The following SLC35D1 variants were observed in gnomAD, a reference collection of about 807,000 sequenced individuals.
The protein encoded by SLC35D1 is solute carrier family 35 member D1, also known as nucleotide sugar transporter SLC35D1.
Under a neutral mutation model 46.7 loss-of-function variants are expected in SLC35D1, and 31 were observed. The ratio of observed to expected loss-of-function variants is 0.66; its 90% confidence interval spans 0.50 to 0.90. The LOEUF (loss-of-function observed/expected upper bound fraction) is 0.90, where lower values mean the gene tolerates loss of function less well. Ranked by LOEUF, SLC35D1 falls within the 40% of genes least tolerant of loss-of-function variation. SLC35D1 has a pLI of 0.00. For synonymous variants in SLC35D1, 195 were observed against 164.6 expected, an observed-to-expected ratio of 1.18 and a Z score of -1.41; for missense variants, 397 against 426.2, an observed-to-expected ratio of 0.93 and a Z score of 0.60.
chr1:66,992,476 TCA>T, the SLC35D1 span, among the ~76,000 whole-genome samples: 2 of 152,186 alleles, frequency 1.3e-5, no homozygotes, highest in African/African-American at 2.4e-5. Flanking sequence ...CTGGAATCTC[TCA>T]CTCAATCCTC....
rs913877978 is a variant in SLC35D1 at position 67,000,973 on chromosome 1, A to C, written c.*3367T>G. On this transcript the variant is annotated 3_prime_UTR_variant, in exon 12 of 12. Transcript: ENST00000235345. ...CATGCAGGCAGCTCTTGGTTACAAA[A>C]TCACGGACTCCTTTCATCTGTCTCC... 1 of 152,382 alleles carries C rather than the reference A, an allele frequency of 6.6e-6. No homozygotes were observed. The highest frequency in any genetic ancestry group is 1.5e-5 in the Non-Finnish European group (1 of 68,068). The allele number at this position is 152,382 out of a possible 1,614,324, so 9.4% of individuals were successfully genotyped here.
chr1:66,987,935 CT>C, the SLC35D1 span: 1 of 152,186 alleles, frequency 6.6e-6, no homozygotes, highest in Non-Finnish European at 1.5e-5. Flanking sequence ...TTCTCTTCTG[CT>C]GGATTATATA....
chr1:67,032,456 G>A (rs543250289), intron 8 of SLC35D1, among the ~76,000 whole-genome samples: 5 of 151,968 alleles, frequency 3.3e-5, no homozygotes, highest in South Asian at 4.2e-4. Context: ...CGAAGTAGGC[G>A]GATCACCTAA....
At chr1:67,032,518 G>A (rs1570629683) in intron 8 of SLC35D1, among the ~76,000 whole-genome samples, 1 of 151,640 alleles carries the variant, frequency 6.6e-6, no homozygotes, top group Non-Finnish European at 1.5e-5. Flanking sequence ...CTATCTCTAC[G>A]AAAAATACAA....
chr1:67,010,497 C>G (rs148019664), intron 10 of SLC35D1, among the ~76,000 whole-genome samples: 37 of 152,254 alleles, frequency 2.4e-4, no homozygotes, highest in African/African-American at 7.5e-4. Flanking sequence ...CTCCCAGGTG[C>G]AAACATCTTC....
chr1:67,047,432 T>G lies in SLC35D1; in HGVS notation c.534-65A>C. The stretch of plus-strand genomic sequence containing the variant: ...ACATGCATTTAATTTTAAATAGATA[T>G]AAGCTAAAATATTTACAAGAACATA... On this transcript the variant is annotated intron_variant, in intron 6 of 11. Transcript: ENST00000235345. The G allele has an allele frequency of 2.4e-6, 3 of 1,275,856 alleles. No homozygotes were observed. The South Asian group carries it at 3.6e-5, about 16-fold the overall frequency. The allele number at this position is 1,275,856 out of a possible 1,614,324, so 79.0% of individuals were successfully genotyped here.
At chr1:67,016,282 G>C (rs1667683930) in intron 10 of SLC35D1, among the ~76,000 whole-genome samples, 1 of 151,900 alleles carries the variant, frequency 6.6e-6, no homozygotes. Flanking sequence ...TAAGACTTTT[G>C]TTTTCCATTG....
rs943817779 is a variant in SLC35D1 at position 67,000,064 on chromosome 1, G to C, written c.*4276C>G. ...ACAGAAGGGTTACTTGAGGCCAGGA[G>C]TTTGAGACCAGTCTGGCAACAGAGT... On this transcript the variant is annotated 3_prime_UTR_variant, in exon 12 of 12. Transcript: ENST00000235345. 6.6e-6 allele frequency: 1 copy of C among 150,982 alleles called. No individual in the cohort carries two copies. The highest frequency in any genetic ancestry group is 2.1e-4 in the South Asian group (1 of 4,796). The allele number at this position is 150,982 out of a possible 1,614,324, so 9.4% of individuals were successfully genotyped here.
downstream of SLC35D1, among the ~76,000 whole-genome samples, chr1:66,998,249 G>A (rs1024052161): frequency 3.3e-5 from 5 of 152,132 alleles, no homozygotes; most frequent in African/African-American, 1.2e-4. Flanking sequence ...AACACTTTGG[G>A]AGTCGGAGGC....
At chr1:67,036,045 T>C (rs1668117208) in intron 8 of SLC35D1, among the ~76,000 whole-genome samples, 1 of 152,166 alleles carries the variant, frequency 6.6e-6, no homozygotes. Flanking sequence ...TCAGAGAAGA[T>C]GCTGGATATT....
intron 7 of SLC35D1, 116 bp downstream of exon 7, chr1:67,047,149 A>C: frequency 1.3e-6 from 1 of 755,200 alleles, no homozygotes; most frequent in Non-Finnish European, 2.3e-6. Flanking sequence ...ACCCTCAGAG[A>C]GCCACTATGT....
intron 10 of SLC35D1, among the ~76,000 whole-genome samples, chr1:67,016,484 A>G (rs1221414374): frequency 1.3e-5 from 2 of 151,790 alleles, no homozygotes; most frequent in Non-Finnish European, 2.9e-5. Context: ...TAAAAAACTG[A>G]TGTATTCATG....
chr1:67,018,771 G>T (rs182557181), intron 10 of SLC35D1, among the ~76,000 whole-genome samples: 3 of 152,178 alleles, frequency 2.0e-5, no homozygotes, highest in Non-Finnish European at 4.4e-5. Context: ...CTTGTAGGAG[G>T]AATGGCTGAG....
At chr1:67,015,914 G>C (rs938205934) in intron 10 of SLC35D1, among the ~76,000 whole-genome samples, 22 of 151,802 alleles carry the variant, frequency 1.4e-4, no homozygotes, top group Non-Finnish European at 2.5e-4. Flanking sequence ...TCTTTTAGTG[G>C]CCTGCAATCC....
the SLC35D1 span, chr1:66,986,654 G>A: frequency 1.9e-6 from 1 of 535,200 alleles, no homozygotes. Context: ...AAGCCACTTT[G>A]CAACACTTGA....
At chr1:67,050,902 T>C (rs1372648174) in intron 4 of SLC35D1, among the ~76,000 whole-genome samples, 2 of 152,216 alleles carry the variant, frequency 1.3e-5, no homozygotes, top group African/African-American at 4.8e-5. Context: ...TGTCCTTTTG[T>C]GGATGTAATT....
chr1:67,015,133 T>C (rs573414195), intron 10 of SLC35D1, among the ~76,000 whole-genome samples: 64 of 129,886 alleles, frequency 4.9e-4, no homozygotes, highest in African/African-American at 1.7e-3. Flanking sequence ...TAAAAAAGGT[T>C]ATAAAACACA....
intron 10 of SLC35D1, among the ~76,000 whole-genome samples, chr1:67,019,047 C>A (rs1158889483): frequency 6.6e-6 from 1 of 152,122 alleles, no homozygotes; most frequent in Non-Finnish European, 1.5e-5. Context: ...TGAGGAGAAA[C>A]ATATATCAAA....
rs558145038 is a variant in SLC35D1 at position 67,015,890 on chromosome 1, G to A, written c.876+4479C>T. On this transcript the variant is annotated intron_variant, in intron 10 of 11. Transcript: ENST00000235345. ...CTTTTTAAAATCTTTAAATTATCAC[G>A]TTGACTAATGATATCTTTTAGTGGC... 1.3e-4 allele frequency among the ~76,000 whole-genome samples: 19 copies of A among 151,998 alleles called. 1 individual carries two copies. In the South Asian group the frequency reaches 3.1e-3, roughly 25 times the overall value.
Sources: gnomAD v4.1 joint callset for allele counts (sites outside exome capture counted in the v4.1 genomes callset) on GRCh38, gnomAD v4.1.1 for gene constraint, MANE v1.5 for transcripts, NCBI Gene and HGNC (gene_info 2026-07-23, HGNC 2026-07-21) for gene names.